The following TM9SF2 variants were observed in gnomAD, a reference collection of about 807,000 sequenced individuals.
TM9SF2 encodes 76 kDa membrane protein.
TM9SF2 carries 13 observed loss-of-function variants against 84.9 expected under a neutral mutation model. That is an observed-to-expected ratio of 0.15 (90% CI 0.10 to 0.24). TM9SF2 has a LOEUF of 0.24. Among genes scored for constraint, TM9SF2 ranks in the 10% least tolerant of loss-of-function variants. The pLI is 1.00. For missense variants in TM9SF2, 562 were observed against 818.5 expected, an observed-to-expected ratio of 0.69 and a Z score of 3.82; for synonymous variants, 273 against 285.8, an observed-to-expected ratio of 0.96 and a Z score of 0.45.
chr13:99,523,127 A>C (rs1458900021), intron 3 of TM9SF2, among the ~76,000 whole-genome samples: 1 of 152,086 alleles, frequency 6.6e-6, no homozygotes. Context: ...TTTTCATTTC[A>C]CTATTGATTC....
intron 7 of TM9SF2, chr13:99,540,396 TA>T (rs34041487): frequency 0.13 from 18,145 of 136,986 alleles, 1,866 homozygotes; most frequent in East Asian, 0.53. Context: ...ATTATTTTCT[TA>T]AAAAAAAAAA....
chr13:99,533,690 G>T (rs1054772076), intron 4 of TM9SF2, among the ~76,000 whole-genome samples: 1 of 151,952 alleles, frequency 6.6e-6, no homozygotes, highest in Non-Finnish European at 1.5e-5. Context: ...ACAGAGTCTC[G>T]CTCTGTCTCC....
chr13:99,516,039 A>C (rs1253639680), intron 1 of TM9SF2, among the ~76,000 whole-genome samples: 2 of 152,050 alleles, frequency 1.3e-5, no homozygotes, highest in African/African-American at 4.8e-5. Flanking sequence ...GCCGAGAAAT[A>C]CTGTTATCCT....
chr13:99,561,137 G>T (rs1054186841), intron 16 of TM9SF2, among the ~76,000 whole-genome samples: 1 of 152,108 alleles, frequency 6.6e-6, no homozygotes, highest in Non-Finnish European at 1.5e-5. Context: ...TGAACAGGTG[G>T]AAGCATTCTG....
At chr13:99,539,672 T>C in intron 7 of TM9SF2, 115 bp downstream of exon 7, 1 of 707,662 alleles carries the variant, frequency 1.4e-6, no homozygotes, top group Non-Finnish European at 2.4e-6. Context: ...ATTAATGAGC[T>C]GATTTTTAGG....
At chr13:99,556,487 A>C (rs1322852131) in intron 15 of TM9SF2, among the ~76,000 whole-genome samples, 4 of 151,438 alleles carry the variant, frequency 2.6e-5, no homozygotes, top group Non-Finnish European at 4.4e-5. Flanking sequence ...TGAATCATAT[A>C]ATATGTGACC....
rs2046066750 is a variant in TM9SF2, at chr13:99,501,754, GAAA to G, written c.153_155del (p.Lys52del). The G allele has an allele frequency of 6.2e-7, 1 of 1,609,054 alleles. No individual in the cohort carries two copies. Among genetic ancestry groups the G allele is most frequent in the Non-Finnish European group, 8.5e-7 (1 of 1,178,740 alleles). Reference sequence around the variant, plus strand: ...GGCGCCCGTCAACTTCTGCGACGAAGAAAAAAAGAGCGACGAGTGCAAGGTGGG... The same window carrying G: ...GGCGCCCGTCAACTTCTGCGACGAAGAAAAGAGCGACGAGTGCAAGGTGGG... On this transcript the variant is annotated inframe_deletion, in exon 1 of 17. Coordinates refer to ENST00000376387, the MANE Select transcript of TM9SF2 (RefSeq NM_004800.3).
intron 1 of TM9SF2, among the ~76,000 whole-genome samples, chr13:99,508,091 A>G (rs2031426): frequency 0.39 from 59,991 of 152,110 alleles, 14,334 homozygotes; most frequent in Non-Finnish European, 0.54. Flanking sequence ...AGAGTTCTAA[A>G]TAAAACCACT....
intron 1 of TM9SF2, among the ~76,000 whole-genome samples, chr13:99,504,533 TTTTATGTACTG>T (rs1407032263): frequency 1.3e-5 from 2 of 152,222 alleles, no homozygotes; most frequent in Non-Finnish European, 2.9e-5. Flanking sequence ...AGTAGAGTGT[TTTTATGTACTG>T]TAAAGTTTGT....
intron 12 of TM9SF2, 70 bp from the exon 13 acceptor site, chr13:99,552,097 A>G (rs1044056401): frequency 4.3e-6 from 6 of 1,387,902 alleles, no homozygotes; most frequent in East Asian, 4.6e-5. Context: ...AGAAGTTGTC[A>G]TATTAATTAC....
intron 15 of TM9SF2, among the ~76,000 whole-genome samples, chr13:99,558,129 C>G (rs1369539469): frequency 6.6e-6 from 1 of 152,148 alleles, no homozygotes; most frequent in African/African-American, 2.4e-5. Flanking sequence ...ATCAATTGAC[C>G]ATAGATGTAT....
intron 1 of TM9SF2, among the ~76,000 whole-genome samples, chr13:99,505,775 C>T (rs1392466473): frequency 6.6e-6 from 1 of 152,136 alleles, no homozygotes; most frequent in East Asian, 1.9e-4. Flanking sequence ...CTTAGTGTGC[C>T]GAGTGGCATT....
chr13:99,547,487 C>T (rs6491512), intron 11 of TM9SF2, among the ~76,000 whole-genome samples: 133,216 of 152,210 alleles, frequency 0.88, 58,494 homozygotes, highest in Admixed American at 0.92. Flanking sequence ...ACAACTAGTA[C>T]ATCTAGGTGT....
At chr13:99,520,822 G>A (rs1434968889) in intron 3 of TM9SF2, among the ~76,000 whole-genome samples, 3 of 152,092 alleles carry the variant, frequency 2.0e-5, no homozygotes, top group Non-Finnish European at 2.9e-5. Context: ...TGCCCGCCTC[G>A]GCCTCCCAAA....
intron 1 of TM9SF2, among the ~76,000 whole-genome samples, chr13:99,510,561 G>A (rs986331407): frequency 1.3e-5 from 2 of 152,152 alleles, no homozygotes; most frequent in East Asian, 1.9e-4. Flanking sequence ...AGGAGCAGGC[G>A]TGTCATATGG....
At chr13:99,559,182 C>T (rs1418608539) in intron 15 of TM9SF2, among the ~76,000 whole-genome samples, 181 bp from the exon 16 acceptor site, 1 of 152,158 alleles carries the variant, frequency 6.6e-6, no homozygotes, top group Non-Finnish European at 1.5e-5. Flanking sequence ...GTGGGTGCTT[C>T]TTAGCACCTT....
chr13:99,534,369 A>G lies in TM9SF2; in HGVS notation c.462-2239A>G, dbSNP rs536849144. Among the ~76,000 whole-genome samples, 8 of 152,286 alleles carry G rather than the reference A, an allele frequency of 5.3e-5. No homozygotes were observed. The East Asian group carries it at 1.2e-3, about 22-fold the overall frequency. On this transcript the variant is annotated intron_variant, in intron 4 of 16. Coordinates refer to ENST00000376387, the MANE Select transcript of TM9SF2 (RefSeq NM_004800.3). ...ATTCAAAATCCTAATGAATACTCCA[A>G]ATGTACTCATGTTAAAACTACATAG...
chr13:99,503,747 A>G (rs143860835), intron 1 of TM9SF2, among the ~76,000 whole-genome samples: 84 of 151,100 alleles, frequency 5.6e-4, no homozygotes, highest in African/African-American at 2.0e-3. Context: ...AAGAAGTGAC[A>G]TTTGAGATGG....
intron 4 of TM9SF2, among the ~76,000 whole-genome samples, chr13:99,533,361 C>A (rs2046219206): frequency 6.6e-6 from 1 of 152,158 alleles, no homozygotes; most frequent in Non-Finnish European, 1.5e-5. Context: ...ATTTACTATG[C>A]ATATGGAGGT....
Sources: gnomAD v4.1 joint callset for allele counts (sites outside exome capture counted in the v4.1 genomes callset) on GRCh38, gnomAD v4.1.1 for gene constraint, MANE v1.5 for transcripts, NCBI Gene and HGNC (gene_info 2026-07-23, HGNC 2026-07-21) for gene names.